JAK1: variants seen among roughly 807,000 people sequenced by gnomAD.
JAK1 encodes tyrosine-protein kinase JAK1.
Under a neutral mutation model 136.6 loss-of-function variants are expected in JAK1, and 16 were observed. The observed-to-expected ratio is 0.12, with a 90% confidence interval of 0.08 to 0.18. The LOEUF is 0.18. JAK1 is among the 10% of genes least tolerant of loss of function. The probability of loss-of-function intolerance (pLI) is 1.00; values close to 1 mark genes in which losing one functional copy is unlikely to be tolerated. For synonymous variants in JAK1, 492 were observed against 519.5 expected, an observed-to-expected ratio of 0.95 and a Z score of 0.72; for missense variants, 859 against 1,450.1, an observed-to-expected ratio of 0.59 and a Z score of 6.62.
intron 1 of JAK1, among the ~76,000 whole-genome samples, chr1:64,942,540 G>GA (rs1408428483): frequency 6.6e-6 from 1 of 152,060 alleles, no homozygotes; most frequent in East Asian, 1.9e-4. Context: ...ATCTTACATG[G>GA]AAAAAACTGA....
intron 10 of JAK1, among the ~76,000 whole-genome samples, chr1:64,857,049 G>A (rs1362024143): frequency 6.6e-6 from 1 of 152,180 alleles, no homozygotes; most frequent in Non-Finnish European, 1.5e-5. Flanking sequence ...GGTCTAGTGA[G>A]GCAAAGTCAG....
At chr1:64,926,961 G>C (rs1284180228) in intron 1 of JAK1, among the ~76,000 whole-genome samples, 2 of 152,194 alleles carry the variant, frequency 1.3e-5, no homozygotes, top group Non-Finnish European at 2.9e-5. Flanking sequence ...AACTAAACAA[G>C]TGCTTGCTAC....
intron 3 of JAK1, among the ~76,000 whole-genome samples, chr1:64,882,283 G>A (rs1644785128): frequency 6.6e-6 from 1 of 152,174 alleles, no homozygotes; most frequent in Non-Finnish European, 1.5e-5. Context: ...AACAAGATAA[G>A]CAATTCTTAA....
chr1:64,994,364 C>T (rs946828134), intron 2 of JAK1, among the ~76,000 whole-genome samples: 2 of 152,148 alleles, frequency 1.3e-5, no homozygotes, highest in African/African-American at 2.4e-5. Context: ...GTAATGAGCC[C>T]GGAAGGAACA....
intron 2 of JAK1, among the ~76,000 whole-genome samples, chr1:64,986,305 A>G (rs1176461047): frequency 6.6e-6 from 1 of 151,950 alleles, no homozygotes; most frequent in Non-Finnish European, 1.5e-5. Context: ...TAGGGTTTCA[A>G]GATGTTAGCC....
At chr1:64,835,738 G>A (rs1417287002) in intron 23 of JAK1, among the ~76,000 whole-genome samples, 1 of 148,034 alleles carries the variant, frequency 6.8e-6, no homozygotes, top group African/African-American at 2.4e-5. Flanking sequence ...GCTGGTCAAG[G>A]AGTCTGTTCC....
chr1:64,944,153 C>T (rs1341983487), intron 1 of JAK1, among the ~76,000 whole-genome samples: 4 of 137,182 alleles, frequency 2.9e-5, no homozygotes, highest in Admixed American at 2.5e-4. Context: ...ACCCAGGAGG[C>T]GGAGCTTGCA....
chr1:64,948,806 G>A (rs1027187858), intron 1 of JAK1, among the ~76,000 whole-genome samples: 19 of 152,202 alleles, frequency 1.2e-4, no homozygotes, highest in African/African-American at 4.6e-4. Context: ...ATTTAACATG[G>A]CTTCCACCTC....
intron 5 of JAK1, among the ~76,000 whole-genome samples, chr1:64,872,152 T>C (rs1657110739): frequency 6.6e-6 from 1 of 152,160 alleles, no homozygotes; most frequent in Non-Finnish European, 1.5e-5. Flanking sequence ...GAGTCGGCAA[T>C]ATTGAAGACA....
chr1:65,012,928 C>T (rs1016933331), intron 2 of JAK1, among the ~76,000 whole-genome samples: 2 of 151,316 alleles, frequency 1.3e-5, no homozygotes, highest in African/African-American at 2.4e-5. Context: ...CCCATCTCTA[C>T]TAAAAATACA....
chr1:65,062,336 T>C (rs960404623), intron 1 of JAK1, among the ~76,000 whole-genome samples: 5 of 152,240 alleles, frequency 3.3e-5, no homozygotes, highest in Non-Finnish European at 7.3e-5. Context: ...AAGTCAGTTT[T>C]ATATGCCAGC....
At chr1:64,928,413 C>G (rs1455385511) in intron 1 of JAK1, among the ~76,000 whole-genome samples, 3 of 152,154 alleles carry the variant, frequency 2.0e-5, no homozygotes, top group Non-Finnish European at 4.4e-5. Flanking sequence ...TCACGCATTT[C>G]CCTTTCTCCC....
intron 11 of JAK1, among the ~76,000 whole-genome samples, chr1:64,851,698 C>T (rs548302270): frequency 6.6e-6 from 1 of 152,330 alleles, no homozygotes; most frequent in African/African-American, 2.4e-5. Context: ...GGAGCTACTG[C>T]AAGGAACGAG....
intron 1 of JAK1, among the ~76,000 whole-genome samples, chr1:64,913,655 A>AAGGAAGGAAGGAAG (rs1553168149): frequency 1.7e-4 from 6 of 34,448 alleles, no homozygotes; most frequent in African/African-American, 5.5e-4. Flanking sequence ...AAGGAAGGAA[A>AAGGAAGGAAGGAAG]GAAGGAAGGA....
At chr1:64,911,145 A>C (rs1232084113) in intron 1 of JAK1, among the ~76,000 whole-genome samples, 1 of 152,196 alleles carries the variant, frequency 6.6e-6, no homozygotes, top group African/African-American at 2.4e-5. Context: ...AATTCACATA[A>C]AATTGAAGAA....
chr1:64,924,436 G>A lies in JAK1; in HGVS notation c.-77-38095C>T, dbSNP rs183149459. Among the ~76,000 whole-genome samples, 17 of 152,244 alleles carry A rather than the reference G, an allele frequency of 1.1e-4. No individual in the cohort carries two copies. The East Asian group carries it at 3.3e-3, about 29-fold the overall frequency. ...AGGACTATTGCTGTGCACATTATAG[G>A]ATTCCTAGTATTCCTAGCCATGACC... On this transcript the variant is annotated intron_variant, in intron 1 of 24. Coordinates refer to ENST00000342505, the MANE Select transcript of JAK1 (RefSeq NM_002227.4).
intron 17 of JAK1, 137 bp downstream of exon 17, chr1:64,843,927 A>G (rs564222017): frequency 3.0e-5 from 27 of 898,448 alleles, no homozygotes; most frequent in Non-Finnish European, 4.3e-5. Flanking sequence ...GTGAGGTCAC[A>G]CACCCAGTAG....
At position 64,844,533 on chromosome 1, in the gene JAK1, G is replaced by A. The variant is rs1655102444; in HGVS notation, c.2251+221C>T. ...GATCAGCAAAACATCCCAGGGTGGG[G>A]GCCATCACCCAGGGCAGGAGGACGA... On this transcript the variant is annotated intron_variant, in intron 16 of 24. Transcript: ENST00000342505. This position sits in a 1 kb window ranked among gnomAD's most constrained non-coding sequence, Gnocchi z 5.7. Among the ~76,000 whole-genome samples, 1 of 152,200 alleles carries A rather than the reference G, an allele frequency of 6.6e-6. No homozygotes were observed. Among genetic ancestry groups the A allele is most frequent in the Admixed American group, 6.5e-5 (1 of 15,286 alleles).
chr1:64,858,852 TGATTGTA>T (rs1656113577), intron 9 of JAK1, among the ~76,000 whole-genome samples: 1 of 151,982 alleles, frequency 6.6e-6, no homozygotes, highest in South Asian at 2.1e-4. Flanking sequence ...GAAAGAGGTA[TGATTGTA>T]TATAAGGTGG....
Sources: allele counts gnomAD v4.1 joint callset (sites outside exome capture counted in the v4.1 genomes callset), GRCh38; gene constraint gnomAD v4.1.1; non-coding constraint Gnocchi (gnomAD v3.1); transcripts MANE v1.5; gene names NCBI Gene and HGNC (gene_info 2026-07-23, HGNC 2026-07-21).